Variants in FAXDC2 observed in about 807,000 individuals in gnomAD.
The protein encoded by FAXDC2 is fatty acid hydroxylase domain-containing protein 2.
FAXDC2 carries 41 observed loss-of-function variants against 40.9 expected under a neutral mutation model. The ratio of observed to expected loss-of-function variants is 1.00; its 90% CI spans 0.78 to 1.30. FAXDC2 has a LOEUF of 1.30. Ranked by LOEUF, FAXDC2 falls within the 50% of genes most tolerant of loss-of-function variation. FAXDC2 has a pLI of 0.00. For missense variants in FAXDC2, 390 were observed against 408.8 expected (o/e 0.95, Z 0.40); for synonymous variants, 157 against 149.3 (o/e 1.05, Z -0.38).
At chr5:154,841,032 A>C (rs906440256) in intron 1 of FAXDC2, among the ~76,000 whole-genome samples, 1 of 128,774 alleles carries the variant, frequency 7.8e-6, no homozygotes, top group Non-Finnish European at 1.7e-5. Flanking sequence ...AGAGCCTCTC[A>C]GGGAGAAATA....
chr5:154,841,202 ATGCTCCCTTCCCC>A (rs1760468722), intron 1 of FAXDC2, among the ~76,000 whole-genome samples: 2 of 152,202 alleles, frequency 1.3e-5, no homozygotes, highest in African/African-American at 2.4e-5. Context: ...TGCTTTACCC[ATGCTCCCTTCCCC>A]TGCTCCCTTC....
At chr5:154,826,024 T>C (rs747842892) in intron 5 of FAXDC2, among the ~76,000 whole-genome samples, 59 of 152,258 alleles carry the variant, frequency 3.9e-4, no homozygotes, top group Non-Finnish European at 6.3e-4. Context: ...ATATTTCAGC[T>C]TGGAATTCAG....
chr5:154,840,806 C>T (rs1760460578), intron 1 of FAXDC2, among the ~76,000 whole-genome samples: 1 of 152,208 alleles, frequency 6.6e-6, no homozygotes, highest in African/African-American at 2.4e-5. Context: ...CCGCCTCGGC[C>T]TCCCAAAGTG....
intron 5 of FAXDC2, among the ~76,000 whole-genome samples, chr5:154,827,198 G>T (rs1056871868): frequency 7.9e-5 from 12 of 151,946 alleles, no homozygotes; most frequent in Admixed American, 3.9e-4. Context: ...CCAGCTACTT[G>T]GAAGGCTGAG....
Position 154,823,584 on chromosome 5 carries a change from A to C in FAXDC2, c.375T>G (p.Pro125=), listed in dbSNP as rs201557299. 198 of 1,613,908 alleles carry C rather than the reference A, an allele frequency of 1.2e-4. No homozygotes were observed. The African/African-American group carries it at 2.4e-3, about 20-fold the overall frequency. ...TGCGGATAGACTGGCGCAGTTTCAC[A>C]GGATCCACCTGCCCAAGGGAAGGGA... ...IQVGKNEPVD[P]VKLRQSIRTV... is the part of the protein sequence containing the mutation. Residue 125 remains proline (P), a synonymous_variant, in exon 6 of 9, where the codon CCT becomes CCG. Transcript: ENST00000326080.
chr5:154,824,479 A>G lies in FAXDC2; in HGVS notation c.367-887T>C, dbSNP rs1182716623. On this transcript the variant is annotated intron_variant, in intron 5 of 8. Transcript: ENST00000326080. ...GCCTGCCTCTTCCTCCAGCCTTTCCAGGCACTGCATGCATTAACTGATTTC... is the reference window on the plus strand; with the variant it reads ...GCCTGCCTCTTCCTCCAGCCTTTCCGGGCACTGCATGCATTAACTGATTTC... The G allele has an allele frequency of 1.3e-5, 9 of 702,380 alleles. No individual in the cohort carries two copies. The Admixed American group carries it at 1.4e-4, about 11-fold the overall frequency. The allele number at this position is 702,380 out of a possible 1,614,324, so 43.5% of individuals were successfully genotyped here.
chr5:154,836,884 A>G (rs1466400313), intron 2 of FAXDC2, among the ~76,000 whole-genome samples: 1 of 152,150 alleles, frequency 6.6e-6, no homozygotes, highest in Non-Finnish European at 1.5e-5. Context: ...CATGTTGGCA[A>G]GGCTGGTCTT....
chr5:154,818,683 CCTT>C lies in FAXDC2; in HGVS notation c.*1630_*1632del, dbSNP rs1251383168. ...GGAAGAGGGAATGAAAGCCTTTTGTCCTTCTAGGCCCCTTACAGTACCTCAAAA... is the reference window on the plus strand; with the variant it reads ...GGAAGAGGGAATGAAAGCCTTTTGTCCTAGGCCCCTTACAGTACCTCAAAA... On this transcript the variant is annotated 3_prime_UTR_variant, in exon 9 of 9. Coordinates refer to ENST00000326080, the MANE Select transcript of FAXDC2 (RefSeq NM_032385.5). The C allele has an allele frequency of 5.9e-5, 9 of 152,344 alleles. No individual in the cohort carries two copies. The South Asian group carries it at 1.9e-3, about 32-fold the overall frequency. 9.4% of individuals were successfully genotyped at this position (152,344 alleles called of 1,614,324 possible).
Position 154,834,625 on chromosome 5 carries a change from C to T in FAXDC2, c.244G>A (p.Gly82Ser), listed in dbSNP as rs746964754. Reference protein sequence around the residue: ...EGKEWILFFIGAIQVPCLFFW... With the variant: ...EGKEWILFFISAIQVPCLFFW... The stretch of plus-strand genomic sequence containing the variant: ...GGTGCTGGTGGTCTGGGAACCTCAC[C>T]TATAAAGAAGAGGATCCACTCCTTC... The change falls in exon 4 of 9, where the codon GGT becomes AGT. Residue 82 changes from glycine to serine, a missense_variant and splice_region_variant. Physicochemically the swap from Gly to Ser is moderately conservative, Grantham distance 56. Coordinates refer to ENST00000326080, the MANE Select transcript of FAXDC2 (RefSeq NM_032385.5). 8 of 1,608,478 alleles carry T rather than the reference C, an allele frequency of 5.0e-6. No homozygotes were observed. The East Asian group carries it at 1.8e-4, about 36-fold the overall frequency.
intron 1 of FAXDC2, among the ~76,000 whole-genome samples, chr5:154,842,761 A>C (rs1341755525): frequency 2.7e-5 from 4 of 147,366 alleles, no homozygotes; most frequent in African/African-American, 1.0e-4. Context: ...CAATCTCCTG[A>C]CCTCGTGATC....
chr5:154,842,802 T>G (rs1169576944), intron 1 of FAXDC2, among the ~76,000 whole-genome samples: 2 of 151,690 alleles, frequency 1.3e-5, no homozygotes, highest in Non-Finnish European at 2.9e-5. Context: ...AGTGCTGCAA[T>G]TACAGGTGTG....
chr5:154,822,494 T>C lies in FAXDC2; in HGVS notation c.656A>G (p.Tyr219Cys). 1.2e-6 allele frequency: 2 copies of C among 1,613,750 alleles called. No individual in the cohort carries two copies. Among genetic ancestry groups the C allele is most frequent in the Non-Finnish European group, 1.7e-6 (2 of 1,179,730 alleles). ...CACTGCATGCTCTATAGGGTGGGCA[T>C]AGAGAGAGATCACGCCAATGGGAGC... Reference protein sequence around the residue: ...WTAPIGVISLYAHPIEHAVSN... With the variant: ...WTAPIGVISLCAHPIEHAVSN... The change falls in exon 7 of 9, where the codon TAT becomes TGT. Residue 219 changes from tyrosine to cysteine, a missense_variant. Tyr to Cys is a radical substitution (Grantham distance 194). Transcript: ENST00000326080.
At chr5:154,835,174 A>G (rs990336557) in intron 2 of FAXDC2, 4 of 456,616 alleles carry the variant, frequency 8.8e-6, no homozygotes, top group Non-Finnish European at 1.6e-5. Flanking sequence ...AGGGAAGGGA[A>G]TTAGCCTGAC....
intron 5 of FAXDC2, 56 bp from the exon 6 acceptor site, chr5:154,823,648 C>T (rs1002403004): frequency 1.5e-5 from 22 of 1,433,384 alleles, no homozygotes; most frequent in African/African-American, 1.1e-4. Context: ...TAGGCTCCAC[C>T]GTGACCTGCT....
chr5:154,842,137 C>G (rs745808083), intron 1 of FAXDC2, among the ~76,000 whole-genome samples: 1 of 152,056 alleles, frequency 6.6e-6, no homozygotes, highest in Non-Finnish European at 1.5e-5. Flanking sequence ...ACTTTTAGGG[C>G]TAAACCTATC....
Position 154,850,482 on chromosome 5 carries a change from CCT to C in FAXDC2, c.-2_-1del, listed in dbSNP as rs1760703213. On this transcript the variant is annotated splice_region_variant and 5_prime_UTR_variant, in exon 1 of 9. Transcript: ENST00000326080. ...ACCCCTCCCCCGTAGTTCCCACTTA[CCT>C]CTGCAGTGGGCTGTGTCCAAGCTGC... 3 of 152,364 alleles carry C rather than the reference CCT, an allele frequency of 2.0e-5. No homozygotes were observed. Among genetic ancestry groups the C allele is most frequent in the African/African-American group, 7.2e-5 (3 of 41,454 alleles). 9.4% of individuals were successfully genotyped at this position (152,364 alleles called of 1,614,324 possible). A position where few individuals can be genotyped will look rare whatever the true frequency, so the allele number is the denominator to read the frequency against.
intron 8 of FAXDC2, 31 bp from the exon 9 acceptor site, chr5:154,820,503 C>T: frequency 2.5e-6 from 4 of 1,571,292 alleles, no homozygotes; most frequent in Non-Finnish European, 3.5e-6. Context: ...CTGCAGTGCC[C>T]ATGCTGGAGG....
At chr5:154,831,678 A>C (rs1760195959) in intron 4 of FAXDC2, among the ~76,000 whole-genome samples, 1 of 152,054 alleles carries the variant, frequency 6.6e-6, no homozygotes. Context: ...TGCTCCATCA[A>C]CCGAAGTAAC....
At chr5:154,848,238 TAG>T (rs1436681860) in intron 1 of FAXDC2, among the ~76,000 whole-genome samples, 1 of 152,186 alleles carries the variant, frequency 6.6e-6, no homozygotes, top group Non-Finnish European at 1.5e-5. Flanking sequence ...AATTTACTCT[TAG>T]AGGGGGGAGA....
Sources: gnomAD v4.1 joint callset for allele counts (sites outside exome capture counted in the v4.1 genomes callset) on GRCh38, gnomAD v4.1.1 for gene constraint, MANE v1.5 for transcripts, NCBI Gene and HGNC (gene_info 2026-07-23, HGNC 2026-07-21) for gene names.